FER: variants seen among roughly 807,000 people sequenced by gnomAD.
FER encodes FER tyrosine kinase.
FER carries 63 observed loss-of-function variants against 111.0 expected under a neutral mutation model. That is an observed-to-expected ratio of 0.57 (90% confidence interval 0.46 to 0.70). FER has a LOEUF of 0.70. Ranked by LOEUF, FER falls within the 30% of genes least tolerant of loss-of-function variation. FER has a pLI of 0.00. For synonymous variants in FER, 327 were observed against 313.9 expected (o/e 1.04, Z -0.44); for missense variants, 914 against 954.0 (o/e 0.96, Z 0.55).
chr5:108,899,694 C>T (rs1401921172), intron 10 of FER, among the ~76,000 whole-genome samples: 1 of 151,336 alleles, frequency 6.6e-6, no homozygotes, highest in Non-Finnish European at 1.5e-5. Context: ...ATCCCAGCTA[C>T]TCAGGAGGCT....
Position 109,166,924 on chromosome 5 carries a change from T to C in FER, c.2049-13823T>C, listed in dbSNP as rs1325461695. 2.0e-5 allele frequency among the ~76,000 whole-genome samples: 3 copies of C among 151,910 alleles called. No individual in the cohort carries two copies. The East Asian group carries it at 5.8e-4, about 29-fold the overall frequency. ...GCCTACACTCCAGAACTTCATACCA[T>C]CACTTCTACCACATTCTGCTAGGTT... On this transcript the variant is annotated intron_variant, in intron 17 of 19. Transcript: ENST00000281092.
intron 16 of FER, among the ~76,000 whole-genome samples, chr5:109,084,255 CTT>C (rs1777308474): frequency 6.6e-6 from 1 of 151,974 alleles, no homozygotes; most frequent in Non-Finnish European, 1.5e-5. Flanking sequence ...ACTGAACTCT[CTT>C]TACATATTCT....
At chr5:109,085,481 C>G (rs926920512) in intron 16 of FER, among the ~76,000 whole-genome samples, 4 of 129,222 alleles carry the variant, frequency 3.1e-5, no homozygotes, top group African/African-American at 1.1e-4. Flanking sequence ...GATTTTTTTT[C>G]TTATTTTCTG....
chr5:109,030,998 C>T (rs1035395351), intron 13 of FER, among the ~76,000 whole-genome samples: 1 of 151,952 alleles, frequency 6.6e-6, no homozygotes, highest in Non-Finnish European at 1.5e-5. Flanking sequence ...TACTTGTGGG[C>T]CATCCCAGTA....
intron 3 of FER, among the ~76,000 whole-genome samples, chr5:108,805,257 C>T (rs1387527891): frequency 6.6e-6 from 1 of 152,174 alleles, no homozygotes; most frequent in African/African-American, 2.4e-5. Context: ...CCGTCATCCA[C>T]ATAAGACGTG....
rs1242771324 is a variant in FER, at chr5:109,189,268, T to C, written c.*1693T>C. 2 of 152,230 alleles carry C rather than the reference T, an allele frequency of 1.3e-5. No individual in the cohort carries two copies. The highest frequency in any genetic ancestry group is 2.9e-5 in the Non-Finnish European group (2 of 68,044). 9.4% of individuals were successfully genotyped at this position (152,230 alleles called of 1,614,324 possible). A position where few individuals can be genotyped will look rare whatever the true frequency, so the allele number is the denominator to read the frequency against. On this transcript the variant is annotated 3_prime_UTR_variant, in exon 20 of 20. Transcript: ENST00000281092. The stretch of plus-strand genomic sequence containing the variant: ...AGATGGTCATGCTCAGGGCTAAATA[T>C]GTTCTGGAAGCCTTTTATAAGTTCT...
At chr5:108,923,160 T>A (rs1480127613) in intron 10 of FER, among the ~76,000 whole-genome samples, 2 of 152,046 alleles carry the variant, frequency 1.3e-5, no homozygotes, top group African/African-American at 4.8e-5. Context: ...AGAAATTCTT[T>A]ACCCTATATT....
intron 2 of FER, among the ~76,000 whole-genome samples, chr5:108,778,936 T>C (rs958662467): frequency 6.6e-5 from 10 of 152,132 alleles, no homozygotes; most frequent in Non-Finnish European, 1.5e-4. Flanking sequence ...AGTTTTACTT[T>C]TGCATTTTAC....
At position 109,022,736 on chromosome 5, in the gene FER, T is replaced by A. The variant is rs570866950; in HGVS notation, c.1657-14686T>A. ...ACATGAACTTGTAGAGGAAAACAAATAAGTTTTAACTGGAGGGTATTCCAG... is the reference window on the plus strand; with the variant it reads ...ACATGAACTTGTAGAGGAAAACAAAAAAGTTTTAACTGGAGGGTATTCCAG... On this transcript the variant is annotated intron_variant, in intron 13 of 19. Coordinates refer to ENST00000281092, the MANE Select transcript of FER (RefSeq NM_005246.4). 6.2e-4 allele frequency among the ~76,000 whole-genome samples: 94 copies of A among 152,104 alleles called. 1 individual carries two copies. Among genetic ancestry groups the A allele is most frequent in the Middle Eastern group, 3.4e-3 (1 of 294 alleles).
chr5:109,080,053 A>G (rs772995116), intron 16 of FER, among the ~76,000 whole-genome samples: 3 of 151,798 alleles, frequency 2.0e-5, no homozygotes, highest in Non-Finnish European at 4.4e-5. Flanking sequence ...TTTTCCTCCC[A>G]TGGTTAAATG....
At chr5:109,071,622 ATACAGTCTTATCTTTAGAAAGC>A (rs1330599966) in intron 16 of FER, among the ~76,000 whole-genome samples, 2 of 151,984 alleles carry the variant, frequency 1.3e-5, no homozygotes, top group African/African-American at 4.8e-5. Flanking sequence ...CTATAACAGT[ATACAGTCTTATCTTTAGAAAGC>A]TAACAAAATT....
At chr5:109,055,454 A>G (rs1773493304) in intron 16 of FER, among the ~76,000 whole-genome samples, 1 of 152,194 alleles carries the variant, frequency 6.6e-6, no homozygotes, top group South Asian at 2.1e-4. Flanking sequence ...AAGAACTCAT[A>G]CAACTCAATA....
chr5:108,917,185 C>T (rs1752382138), intron 10 of FER, among the ~76,000 whole-genome samples: 1 of 152,108 alleles, frequency 6.6e-6, no homozygotes, highest in Non-Finnish European at 1.5e-5. Context: ...AGCTATTTAA[C>T]TCAACAGAAA....
chr5:108,865,638 T>G (rs192167828), intron 5 of FER, among the ~76,000 whole-genome samples: 2 of 152,216 alleles, frequency 1.3e-5, no homozygotes, highest in Admixed American at 6.5e-5. Flanking sequence ...TACCATCAGA[T>G]TGAACAGGCA....
chr5:108,972,051 G>T (rs1328003155), intron 13 of FER, among the ~76,000 whole-genome samples: 1 of 151,614 alleles, frequency 6.6e-6, no homozygotes, highest in Non-Finnish European at 1.5e-5. Context: ...TTTAATGGAG[G>T]TTCACCATCT....
chr5:109,134,513 C>T (rs1165588845), intron 17 of FER, among the ~76,000 whole-genome samples: 1 of 152,028 alleles, frequency 6.6e-6, no homozygotes, highest in African/African-American at 2.4e-5. Flanking sequence ...GCTTTAGAGG[C>T]CTGTCCTAAA....
intron 13 of FER, among the ~76,000 whole-genome samples, chr5:108,997,274 C>T (rs1316067551): frequency 1.3e-5 from 2 of 150,878 alleles, no homozygotes; most frequent in Admixed American, 1.3e-4. Context: ...AAAAATTAGC[C>T]GGGCTTGGTG....
chr5:108,759,804 T>C (rs904667062), intron 1 of FER, among the ~76,000 whole-genome samples: 1 of 152,230 alleles, frequency 6.6e-6, no homozygotes, highest in Admixed American at 6.5e-5. Flanking sequence ...AGGTTTAGGT[T>C]TGAGACCTAA....
intron 16 of FER, among the ~76,000 whole-genome samples, chr5:109,054,442 A>G (rs1173642297): frequency 6.6e-6 from 1 of 152,170 alleles, no homozygotes. Flanking sequence ...AAGTGTCCAA[A>G]TCGTCTTGCC....
Sources: gnomAD v4.1 joint callset for allele counts (sites outside exome capture counted in the v4.1 genomes callset) on GRCh38, gnomAD v4.1.1 for gene constraint, MANE v1.5 for transcripts, NCBI Gene and HGNC (gene_info 2026-07-23, HGNC 2026-07-21) for gene names.